ZZZ3: variants seen among roughly 807,000 people sequenced by gnomAD.
ZZZ3 encodes zinc finger ZZ-type containing 3.
In ZZZ3, 22 loss-of-function variants were observed where a neutral mutation model predicts 95.2. That is an observed-to-expected ratio of 0.23 (90% confidence interval 0.17 to 0.33). ZZZ3 has a LOEUF of 0.33. Ranked by LOEUF, ZZZ3 falls within the 10% of genes least tolerant of loss-of-function variation. The pLI is 1.00. For synonymous variants in ZZZ3, 335 were observed against 358.9 expected (o/e 0.93, Z 0.75); for missense variants, 885 against 1,066.5 (o/e 0.83, Z 2.37).
intron 1 of ZZZ3, among the ~76,000 whole-genome samples, chr1:77,647,124 C>G (rs765619985): frequency 1.3e-5 from 2 of 152,176 alleles, no homozygotes; most frequent in Non-Finnish European, 2.9e-5. Context: ...GGTATATATA[C>G]TTCCACCACA....
intron 1 of ZZZ3, among the ~76,000 whole-genome samples, chr1:77,663,483 A>T (rs912791538): frequency 2.0e-5 from 3 of 152,068 alleles, no homozygotes; most frequent in African/African-American, 7.2e-5. Context: ...AGCACTCTCA[A>T]TTCCTTCAAA....
chr1:77,591,349 C>T (rs935267903), intron 5 of ZZZ3, among the ~76,000 whole-genome samples: 3 of 151,972 alleles, frequency 2.0e-5, no homozygotes, highest in South Asian at 2.1e-4. Context: ...TCTCCCTCTT[C>T]GTTCTTTTCT....
chr1:77,638,764 T>C (rs1456737482), intron 4 of ZZZ3, among the ~76,000 whole-genome samples: 4 of 152,190 alleles, frequency 2.6e-5, no homozygotes, highest in Non-Finnish European at 4.4e-5. Context: ...CAAATGCAAC[T>C]GGAAAGTGTA....
At chr1:77,586,177 T>C (rs991775957) in intron 5 of ZZZ3, among the ~76,000 whole-genome samples, 48 of 152,208 alleles carry the variant, frequency 3.2e-4, no homozygotes, top group Non-Finnish European at 7.3e-5. Flanking sequence ...ATAGGCTCAA[T>C]CTTAGGGTGA....
At chr1:77,602,127 T>C (rs774387402) in intron 5 of ZZZ3, among the ~76,000 whole-genome samples, 1 of 152,186 alleles carries the variant, frequency 6.6e-6, no homozygotes, top group Non-Finnish European at 1.5e-5. Context: ...ACCATGCCTT[T>C]AGAGTTGTAG....
intron 5 of ZZZ3, among the ~76,000 whole-genome samples, chr1:77,611,484 C>G (rs1449661520): frequency 1.3e-5 from 2 of 151,686 alleles, no homozygotes; most frequent in Admixed American, 1.3e-4. Flanking sequence ...AAAAACAATC[C>G]TAAAATTTGT....
At chr1:77,584,136 G>C (rs1215873072) in intron 6 of ZZZ3, among the ~76,000 whole-genome samples, 1 of 152,110 alleles carries the variant, frequency 6.6e-6, no homozygotes, top group African/African-American at 2.4e-5. Context: ...AAGTAGCCCA[G>C]AAACAGAAGT....
chr1:77,567,198 C>T (rs1660910051), intron 13 of ZZZ3, among the ~76,000 whole-genome samples: 1 of 152,190 alleles, frequency 6.6e-6, no homozygotes, highest in African/African-American at 2.4e-5. Context: ...TCCTCCAGTC[C>T]AACCAAGTCA....
At position 77,565,585 on chromosome 1, in the gene ZZZ3, A is replaced by G; in HGVS notation, c.*55T>C. 4 of 1,564,224 alleles carry G rather than the reference A, an allele frequency of 2.6e-6. No homozygotes were observed. Among genetic ancestry groups the G allele is most frequent in the Non-Finnish European group, 3.5e-6 (4 of 1,146,756 alleles). On this transcript the variant is annotated 3_prime_UTR_variant, in exon 15 of 15. Transcript: ENST00000370801. ...TTTCCAAACTGTGCACATAATTAAC[A>G]ATGATACCATTGCTATGTGTTGAAG...
chr1:77,621,585 G>A (rs1666866842), intron 5 of ZZZ3, among the ~76,000 whole-genome samples: 1 of 151,040 alleles, frequency 6.6e-6, no homozygotes, highest in Non-Finnish European at 1.5e-5. Context: ...GGAGGCCAAG[G>A]TGGGCGGATG....
intron 5 of ZZZ3, among the ~76,000 whole-genome samples, chr1:77,588,170 G>A (rs942976538): frequency 3.9e-5 from 6 of 152,058 alleles, no homozygotes; most frequent in Admixed American, 6.6e-5. Context: ...GGTCAACTGT[G>A]GTGTCTAACA....
chr1:77,667,789 AG>A (rs1326696298), intron 1 of ZZZ3, among the ~76,000 whole-genome samples: 2 of 133,966 alleles, frequency 1.5e-5, no homozygotes, highest in African/African-American at 5.8e-5. Context: ...TTTTTGAGAG[AG>A]AGTCTCGCTC....
At chr1:77,595,872 G>C (rs986780685) in intron 5 of ZZZ3, among the ~76,000 whole-genome samples, 1 of 152,024 alleles carries the variant, frequency 6.6e-6, no homozygotes, top group African/African-American at 2.4e-5. Context: ...ACTTAAAGAA[G>C]AGGGTATACT....
intron 3 of ZZZ3, 176 bp downstream of exon 3, chr1:77,641,208 C>T: frequency 5.0e-6 from 1 of 199,326 alleles, no homozygotes; most frequent in Non-Finnish European, 1.0e-5. Flanking sequence ...AGAACATCTA[C>T]AACTTAAAGT....
chr1:77,642,723 A>C (rs1475562660), intron 1 of ZZZ3, among the ~76,000 whole-genome samples: 1 of 152,220 alleles, frequency 6.6e-6, no homozygotes, highest in Non-Finnish European at 1.5e-5. Context: ...ACTGCACTAC[A>C]GCCCAGGCAA....
intron 1 of ZZZ3, among the ~76,000 whole-genome samples, chr1:77,643,395 T>C (rs1183417723): frequency 1.3e-5 from 2 of 152,232 alleles, no homozygotes; most frequent in African/African-American, 2.4e-5. Flanking sequence ...CAATACACAG[T>C]AATTTTTTCA....
intron 11 of ZZZ3, among the ~76,000 whole-genome samples, chr1:77,577,116 A>T (rs1051866532): frequency 2.0e-5 from 3 of 152,234 alleles, no homozygotes; most frequent in South Asian, 4.1e-4. Flanking sequence ...TAGCACAGTC[A>T]CAAAGAACAC....
intron 5 of ZZZ3, among the ~76,000 whole-genome samples, chr1:77,596,868 T>C (rs765851614): frequency 6.6e-5 from 10 of 152,026 alleles, no homozygotes; most frequent in Non-Finnish European, 1.3e-4. Flanking sequence ...TGGATTAGAG[T>C]TGGGAGTCAT....
chr1:77,623,933 AAAAG>A (rs952930209), intron 5 of ZZZ3, among the ~76,000 whole-genome samples: 2 of 152,218 alleles, frequency 1.3e-5, no homozygotes, highest in Non-Finnish European at 2.9e-5. Flanking sequence ...AGACCAAAAA[AAAAG>A]AGAGAAGTAG....
Sources: gnomAD v4.1 joint callset for allele counts (sites outside exome capture counted in the v4.1 genomes callset) on GRCh38, gnomAD v4.1.1 for gene constraint, MANE v1.5 for transcripts, NCBI Gene and HGNC (gene_info 2026-07-23, HGNC 2026-07-21) for gene names.